LAMA2: variants seen among roughly 807,000 people sequenced by gnomAD.
LAMA2 encodes the protein laminin subunit alpha 2, also known as laminin subunit alpha-2.
LAMA2 carries 269 observed loss-of-function variants against 364.8 expected under a neutral mutation model. The ratio of observed to expected loss-of-function variants is 0.74; its 90% confidence interval spans 0.67 to 0.82. The LOEUF (loss-of-function observed/expected upper bound fraction) is 0.82. LAMA2 is among the 40% of genes least tolerant of loss of function. LAMA2 has a pLI of 0.00. For synonymous variants in LAMA2, 1,379 were observed against 1,370.6 expected (o/e 1.01, Z -0.14); for missense variants, 3,807 against 3,873.2 (o/e 0.98, Z 0.45).
intron 10 of LAMA2, among the ~76,000 whole-genome samples, chr6:129,184,086 TTTG>T (rs1562309522): frequency 6.6e-6 from 1 of 151,962 alleles, no homozygotes; most frequent in Admixed American, 6.6e-5. Flanking sequence ...TGGATTACTT[TTTG>T]TTGTTGTTTA....
rs1188938474 is a variant in LAMA2 at position 129,204,865 on chromosome 6, A to G, written c.1782+12012A>G. 3.3e-5 allele frequency among the ~76,000 whole-genome samples: 5 copies of G among 152,246 alleles called. No homozygotes were observed. The East Asian group carries it at 7.7e-4, about 23-fold the overall frequency. Reference sequence around the variant, plus strand: ...TGATAACAGAAAGGCCAGCAGTCCAACAGAAATGAATGAGCAGTTTATAGA... The same window carrying G: ...TGATAACAGAAAGGCCAGCAGTCCAGCAGAAATGAATGAGCAGTTTATAGA... On this transcript the variant is annotated intron_variant, in intron 12 of 64. Coordinates refer to ENST00000421865, the MANE Select transcript of LAMA2 (RefSeq NM_000426.4).
intron 44 of LAMA2, among the ~76,000 whole-genome samples, chr6:129,444,126 A>G (rs1417818714): frequency 2.0e-5 from 3 of 152,182 alleles, no homozygotes; most frequent in African/African-American, 7.2e-5. Flanking sequence ...CAAGGGAGGA[A>G]ATTTAACACA....
chr6:128,986,091 G>A (rs1039709725), intron 1 of LAMA2, among the ~76,000 whole-genome samples: 1 of 152,024 alleles, frequency 6.6e-6, no homozygotes, highest in Non-Finnish European at 1.5e-5. Flanking sequence ...GTATCTCTAT[G>A]AACTCATAGA....
chr6:128,963,115 C>T (rs1387746672), intron 1 of LAMA2, among the ~76,000 whole-genome samples: 1 of 152,108 alleles, frequency 6.6e-6, no homozygotes, highest in East Asian at 1.9e-4. Flanking sequence ...ACGGTTCTTT[C>T]ACTATCTGGT....
chr6:129,044,301 C>T (rs893949535), intron 1 of LAMA2, among the ~76,000 whole-genome samples: 2 of 151,926 alleles, frequency 1.3e-5, no homozygotes, highest in Non-Finnish European at 2.9e-5. Flanking sequence ...ATAGAACCTC[C>T]ATAAGTAGAT....
intron 1 of LAMA2, among the ~76,000 whole-genome samples, chr6:128,966,624 G>GA (rs1350632789): frequency 3.5e-5 from 1 of 28,750 alleles, no homozygotes; most frequent in East Asian, 9.5e-4. Flanking sequence ...TGAATAGACT[G>GA]AAAAATTCTT....
In LAMA2 at chr6:129,190,226, T is replaced by C; in HGVS notation, c.1489T>C (p.Cys497Arg). The C allele has an allele frequency of 6.2e-7, 1 of 1,613,678 alleles. No homozygotes were observed. The highest frequency in any genetic ancestry group is 8.5e-7 in the Non-Finnish European group (1 of 1,179,586). Residue 497 changes from cysteine (C) to arginine (R), a missense_variant, in exon 11 of 65, where the codon TGT becomes CGT. By Grantham distance (180) the Cys-to-Arg change is radical. Transcript: ENST00000421865. ...ICKENVEGGDCSRCKSGFFNL... is the reference protein window; with the variant it reads ...ICKENVEGGDRSRCKSGFFNL... ...GCAGGAAAATGTTGAAGGAGGAGAC[T>C]GTAGTCGTTGCAAATCCGGCTTCTT...
intron 4 of LAMA2, among the ~76,000 whole-genome samples, chr6:129,134,620 TAG>T (rs1777677255): frequency 6.6e-6 from 1 of 152,138 alleles, no homozygotes; most frequent in East Asian, 1.9e-4. Flanking sequence ...AAGCATTAGT[TAG>T]AGTCTCATAA....
intron 14 of LAMA2, among the ~76,000 whole-genome samples, chr6:129,257,409 T>A (rs3778122): frequency 6.6e-6 from 1 of 151,944 alleles, no homozygotes; most frequent in African/African-American, 2.4e-5. Flanking sequence ...AGGAGAGGAA[T>A]GTCTGTTGTT....
At chr6:129,106,678 G>T (rs1240569929) in intron 4 of LAMA2, among the ~76,000 whole-genome samples, 1 of 151,926 alleles carries the variant, frequency 6.6e-6, no homozygotes, top group South Asian at 2.1e-4. Context: ...TTCAACTCTG[G>T]TTGGAATACA....
intron 4 of LAMA2, among the ~76,000 whole-genome samples, chr6:129,135,070 C>G (rs1777704331): frequency 6.6e-6 from 1 of 152,104 alleles, no homozygotes; most frequent in South Asian, 2.1e-4. Context: ...AAAGTCTACC[C>G]CAGGAAGCCT....
At chr6:129,190,089 T>C in intron 10 of LAMA2, 116 bp from the exon 11 acceptor site, 2 of 1,018,712 alleles carry the variant, frequency 2.0e-6, no homozygotes, top group Non-Finnish European at 3.0e-6. Context: ...ATACGTTAAA[T>C]ATAGTTGAGA....
chr6:129,173,145 G>T (rs1451941515), intron 9 of LAMA2, among the ~76,000 whole-genome samples: 1 of 152,214 alleles, frequency 6.6e-6, no homozygotes, highest in Non-Finnish European at 1.5e-5. Flanking sequence ...CGTCGCTCAC[G>T]CTGGGAGCTG....
chr6:129,382,467 T>G (rs1583619076), intron 34 of LAMA2, among the ~76,000 whole-genome samples: 1 of 152,154 alleles, frequency 6.6e-6, no homozygotes. Flanking sequence ...GGGGCTGTTT[T>G]GGGGTTCTGT....
In LAMA2 at chr6:129,270,870, T is replaced by C; in HGVS notation, c.2450+119T>C. ...AATAAATAATAAACACAGACATGAA[T>C]TTTTTCAGGAAAATTATATGAATTT... is the stretch of plus-strand genomic sequence containing the variant. On this transcript the variant is annotated intron_variant, in intron 17 of 64. Coordinates refer to ENST00000421865, the MANE Select transcript of LAMA2 (RefSeq NM_000426.4). The C allele has an allele frequency of 1.3e-5, 14 of 1,084,370 alleles. 1 individual carries two copies. In the South Asian group the frequency reaches 1.9e-4, roughly 15 times the overall value. The allele number at this position is 1,084,370 out of a possible 1,614,324, so 67.2% of individuals were successfully genotyped here. A position where few individuals can be genotyped will look rare whatever the true frequency, so the allele number is the denominator to read the frequency against.
At chr6:129,018,475 G>T (rs1473735296) in intron 1 of LAMA2, among the ~76,000 whole-genome samples, 2 of 150,870 alleles carry the variant, frequency 1.3e-5, no homozygotes, top group East Asian at 3.9e-4. Flanking sequence ...ATGAAATGAG[G>T]TTTCTTCAAT....
chr6:129,013,664 T>C (rs981887376), intron 1 of LAMA2, among the ~76,000 whole-genome samples: 1 of 152,172 alleles, frequency 6.6e-6, no homozygotes, highest in Non-Finnish European at 1.5e-5. Context: ...AAAGGCATTT[T>C]CATTTTATTC....
chr6:129,468,302 T>C (rs187054351), intron 51 of LAMA2, among the ~76,000 whole-genome samples: 6 of 151,982 alleles, frequency 3.9e-5, no homozygotes, highest in Non-Finnish European at 1.5e-5. Context: ...TGCCCATGGT[T>C]GTTACCCATT....
intron 1 of LAMA2, among the ~76,000 whole-genome samples, chr6:129,018,086 T>C (rs1390932069): frequency 6.6e-6 from 1 of 151,852 alleles, no homozygotes; most frequent in African/African-American, 2.4e-5. Flanking sequence ...CTAGTTGCCT[T>C]GGAAGAAGAA....
Sources: allele counts gnomAD v4.1 joint callset (sites outside exome capture counted in the v4.1 genomes callset), GRCh38; gene constraint gnomAD v4.1.1; transcripts MANE v1.5; gene names NCBI Gene and HGNC (gene_info 2026-07-23, HGNC 2026-07-21).